SCP2: variants seen among roughly 807,000 people sequenced by gnomAD.
The protein encoded by SCP2 is sterol carrier protein 2, also known as SCP-2/3-oxoacyl-CoA thiolase.
SCP2 carries 48 observed loss-of-function variants against 71.4 expected under a neutral mutation model. The observed-to-expected ratio is 0.67, with a 90% CI of 0.53 to 0.86. SCP2 has a LOEUF of 0.86. Among genes scored for constraint, SCP2 ranks in the 40% least tolerant of loss-of-function variants. The pLI is 0.00. For missense variants in SCP2, 560 were observed against 655.6 expected (o/e 0.85, Z 1.59); for synonymous variants, 220 against 218.1 (o/e 1.01, Z -0.08).
chr1:52,986,932 G>T (rs570041311), intron 10 of SCP2, among the ~76,000 whole-genome samples: 1 of 147,618 alleles, frequency 6.8e-6, no homozygotes, highest in African/African-American at 2.5e-5. Context: ...TGGATTCAAT[G>T]TAGTACTCAG....
At chr1:52,994,677 C>G in intron 11 of SCP2, 1 of 573,470 alleles carries the variant, frequency 1.7e-6, no homozygotes, top group East Asian at 5.2e-5. Flanking sequence ...TATTTTCTTG[C>G]CCCATGCATA....
intron 13 of SCP2, among the ~76,000 whole-genome samples, chr1:53,030,312 C>T (rs535975492): frequency 2.6e-4 from 39 of 152,104 alleles, no homozygotes; most frequent in African/African-American, 8.9e-4. Flanking sequence ...TAATAAATTT[C>T]CTGTTGCACT....
chr1:53,018,277 C>T (rs1661481997), intron 12 of SCP2, among the ~76,000 whole-genome samples: 1 of 152,108 alleles, frequency 6.6e-6, no homozygotes, highest in Non-Finnish European at 1.5e-5. Flanking sequence ...GACATTTTGC[C>T]CATTTGCTTT....
chr1:52,981,439 A>ATT (rs199738997), intron 10 of SCP2, among the ~76,000 whole-genome samples: 11 of 143,348 alleles, frequency 7.7e-5, no homozygotes, highest in East Asian at 2.0e-4. Flanking sequence ...TTCATTAATA[A>ATT]TTTTTTTTTT....
intron 11 of SCP2, among the ~76,000 whole-genome samples, chr1:53,012,355 T>A (rs933610248): frequency 1.3e-5 from 2 of 152,246 alleles, no homozygotes; most frequent in African/African-American, 4.8e-5. Flanking sequence ...CATACTTTGT[T>A]GAACTTAAGC....
intron 6 of SCP2, among the ~76,000 whole-genome samples, chr1:52,968,901 A>G (rs1335897874): frequency 6.6e-6 from 1 of 152,170 alleles, no homozygotes; most frequent in Non-Finnish European, 1.5e-5. Context: ...TGTTACATAT[A>G]TTATACACTA....
intron 11 of SCP2, among the ~76,000 whole-genome samples, chr1:53,011,554 C>A (rs774903324): frequency 6.6e-6 from 1 of 152,242 alleles, no homozygotes; most frequent in East Asian, 1.9e-4. Flanking sequence ...AAAGGTTGAC[C>A]AACATCTTGT....
At chr1:52,951,037 T>G in intron 4 of SCP2, 151 bp downstream of exon 4, 1 of 852,042 alleles carries the variant, frequency 1.2e-6, no homozygotes, top group Non-Finnish European at 1.9e-6. Flanking sequence ...CCCTAGCACT[T>G]TGGGAGGCCG....
Position 52,995,132 on chromosome 1 carries a change from C to A in SCP2, c.1081+6996C>A, listed in dbSNP as rs1381313771. On this transcript the variant is annotated intron_variant, in intron 11 of 15. Transcript: ENST00000371514. Reference sequence around the variant, plus strand: ...GACTGCCTGCAGGGCTTGCAGCTGACCCACTCAATGGGCTCTGGAATGGGT... The same window carrying A: ...GACTGCCTGCAGGGCTTGCAGCTGAACCACTCAATGGGCTCTGGAATGGGT... 8.1e-6 allele frequency: 4 copies of A among 496,784 alleles called. No homozygotes were observed. In the East Asian group the frequency reaches 1.6e-4, roughly 20 times the overall value. 30.8% of individuals were successfully genotyped at this position (496,784 alleles called of 1,614,324 possible).
intron 7 of SCP2, among the ~76,000 whole-genome samples, chr1:52,976,078 A>G (rs539300685): frequency 2.6e-5 from 4 of 152,340 alleles, no homozygotes; most frequent in African/African-American, 4.8e-5. Context: ...AGAGGCATAT[A>G]GAGTGAGGTC....
intron 1 of SCP2, among the ~76,000 whole-genome samples, chr1:52,937,196 T>A (rs1001936599): frequency 6.6e-6 from 1 of 152,086 alleles, no homozygotes; most frequent in Non-Finnish European, 1.5e-5. Context: ...AAGAAAGAAA[T>A]AGTAGTATAA....
chr1:53,046,330 CTTT>C (rs749725244), intron 14 of SCP2, among the ~76,000 whole-genome samples: 2 of 120,902 alleles, frequency 1.7e-5, no homozygotes, highest in Admixed American at 8.2e-5. Flanking sequence ...TGGGTATTGT[CTTT>C]TTTTTTTTTT....
chr1:52,968,088 G>A (rs555687443), intron 6 of SCP2, among the ~76,000 whole-genome samples: 36 of 152,164 alleles, frequency 2.4e-4, no homozygotes, highest in African/African-American at 7.9e-4. Context: ...CTACAGGTGC[G>A]TGCCACCATG....
chr1:52,941,338 A>G (rs1252576417), intron 1 of SCP2, among the ~76,000 whole-genome samples: 2 of 152,054 alleles, frequency 1.3e-5, no homozygotes, highest in Non-Finnish European at 2.9e-5. Context: ...GACTGGAAGC[A>G]CTCTGAGGGC....
chr1:53,046,383 CTCA>C (rs1323159788), intron 14 of SCP2, among the ~76,000 whole-genome samples: 1 of 149,844 alleles, frequency 6.7e-6, no homozygotes, highest in Non-Finnish European at 1.5e-5. Context: ...GTATGTGGCA[CTCA>C]TCATGATTTT....
At chr1:52,932,259 C>T (rs1653224427) in intron 1 of SCP2, among the ~76,000 whole-genome samples, 1 of 152,080 alleles carries the variant, frequency 6.6e-6, no homozygotes, top group Non-Finnish European at 1.5e-5. Context: ...GCACATTATC[C>T]TGAAATATCA....
chr1:53,027,054 T>G (rs1416368857), intron 12 of SCP2, among the ~76,000 whole-genome samples: 4 of 151,754 alleles, frequency 2.6e-5, no homozygotes, highest in Non-Finnish European at 4.4e-5. Context: ...TCCTTCCACT[T>G]TAGCCTCCTG....
At chr1:53,022,619 C>T (rs6678556) in intron 12 of SCP2, among the ~76,000 whole-genome samples, 20,901 of 152,158 alleles carry the variant, frequency 0.14, 2,051 homozygotes, top group East Asian at 0.32. Flanking sequence ...CCACACTAGG[C>T]GTTTCACATG....
chr1:53,041,132 G>C (rs1372882055), intron 14 of SCP2, among the ~76,000 whole-genome samples: 3 of 152,116 alleles, frequency 2.0e-5, no homozygotes. Flanking sequence ...GGCTGGGCAC[G>C]GTGGCTCACG....
Sources: gnomAD v4.1 joint callset for allele counts (sites outside exome capture counted in the v4.1 genomes callset) on GRCh38, gnomAD v4.1.1 for gene constraint, MANE v1.5 for transcripts, NCBI Gene and HGNC (gene_info 2026-07-23, HGNC 2026-07-21) for gene names.